TTC7A: variants seen among roughly 807,000 people sequenced by gnomAD.
TTC7A encodes tetratricopeptide repeat protein 7A.
A neutral mutation model predicts 103.7 loss-of-function variants in TTC7A; 110 were observed. That is an observed-to-expected ratio of 1.06 (90% CI 0.91 to 1.24). The LOEUF (loss-of-function observed/expected upper bound fraction) is 1.24, where lower values mean the gene tolerates loss of function less well. Among genes scored for constraint, TTC7A ranks in the 50% most tolerant of loss-of-function variants. The pLI is 0.00. For missense variants in TTC7A, 1,340 were observed against 1,116.3 expected (o/e 1.20, Z -2.86); for synonymous variants, 521 against 467.9 (o/e 1.11, Z -1.47).
rs149128549 is a variant in TTC7A, at chr2:46,956,816, G to C, written c.349-23G>C. ...CAAGGTAACTTTGGGGCAGGCGCTG[G>C]TAACATGTCCTTGTCATTTCAGCCA... On this transcript the variant is annotated intron_variant, in intron 2 of 19. Transcript: ENST00000319190. 1,754 of 1,613,116 alleles carry C rather than the reference G, an allele frequency of 1.1e-3. 23 individuals carry two copies. In the African/African-American group the frequency reaches 0.02, roughly 19 times the overall value.
chr2:46,959,598 C>T (rs546817731), intron 3 of TTC7A, among the ~76,000 whole-genome samples: 3 of 152,102 alleles, frequency 2.0e-5, no homozygotes, highest in Admixed American at 6.5e-5. Context: ...TCTGTCTCTT[C>T]GCCCCCACCC....
At chr2:47,020,365 G>A (rs1425999472) in intron 11 of TTC7A, among the ~76,000 whole-genome samples, 5 of 152,172 alleles carry the variant, frequency 3.3e-5, no homozygotes. Flanking sequence ...ACAGATCTTA[G>A]CATCTATAGC....
chr2:46,958,781 G>T (rs544910537), intron 3 of TTC7A, among the ~76,000 whole-genome samples: 1 of 152,334 alleles, frequency 6.6e-6, no homozygotes, highest in East Asian at 1.9e-4. Context: ...ATGTTGATCT[G>T]CCTGGGTTTG....
At position 47,074,080 on chromosome 2, in the gene TTC7A, G is replaced by C. The variant is rs1277015250; in HGVS notation, c.*157G>C. On this transcript the variant is annotated 3_prime_UTR_variant, in exon 20 of 20. Coordinates refer to ENST00000319190, the MANE Select transcript of TTC7A (RefSeq NM_020458.4). ...GCTGCAGCCCTCGTTCTCTTGGCTG[G>C]GCCAAGAGGGCCTTCCTGGATTTCT... 4.9e-6 allele frequency: 3 copies of C among 616,258 alleles called. No homozygotes were observed. The highest frequency in any genetic ancestry group is 2.0e-5 in the South Asian group (1 of 50,758). 38.2% of individuals were successfully genotyped at this position (616,258 alleles called of 1,614,324 possible).
intron 19 of TTC7A, 31 bp from the exon 20 acceptor site, chr2:47,073,671 C>G: frequency 6.2e-7 from 1 of 1,605,904 alleles, no homozygotes; most frequent in Non-Finnish European, 8.5e-7. Context: ...TGGGACACCC[C>G]TACTCACCCT....
At chr2:46,943,097 G>T (rs1387927623) in intron 1 of TTC7A, among the ~76,000 whole-genome samples, 1 of 152,126 alleles carries the variant, frequency 6.6e-6, no homozygotes, top group Non-Finnish European at 1.5e-5. Flanking sequence ...GTAGAGACGG[G>T]GTTTCGCCAT....
Position 47,011,440 on chromosome 2 carries a change from G to A in TTC7A, c.1392+5G>A. The A allele has an allele frequency of 6.2e-7, 1 of 1,601,722 alleles. No homozygotes were observed. Among genetic ancestry groups the A allele is most frequent in the Non-Finnish European group, 8.5e-7 (1 of 1,178,260 alleles). ...TGCATCGGGTCCCTTCGCTGGGTGA[G>A]TGAGCTGTGAGGGCAGGTCCCAGAG... On this transcript the variant is annotated splice_donor_5th_base_variant and intron_variant, in intron 11 of 19. Transcript: ENST00000319190.
intron 15 of TTC7A, among the ~76,000 whole-genome samples, chr2:47,038,449 T>C (rs1408522984): frequency 6.6e-6 from 1 of 152,130 alleles, no homozygotes; most frequent in Admixed American, 6.5e-5. Context: ...AATTAGACTT[T>C]CCAGAGGCGT....
intron 15 of TTC7A, among the ~76,000 whole-genome samples, chr2:47,041,955 A>T (rs1681801632): frequency 6.6e-6 from 1 of 152,160 alleles, no homozygotes; most frequent in African/African-American, 2.4e-5. Context: ...ACGTATGCAC[A>T]GAAGTCCCAC....
Position 47,028,919 on chromosome 2 carries a change from G to A in TTC7A, c.1642-305G>A, listed in dbSNP as rs4332965. 0.38 allele frequency among the ~76,000 whole-genome samples: 57,732 copies of A among 151,960 alleles called. 11,937 individuals are homozygous for A. The highest frequency in any genetic ancestry group is 0.74 in the East Asian group (3,803 of 5,136). On this transcript the variant is annotated intron_variant, in intron 14 of 19. Coordinates refer to ENST00000319190, the MANE Select transcript of TTC7A (RefSeq NM_020458.4). ...TACATCAGCAGAACTCCAGGGTGACGTTTCCACACATGGCTGCCTCACCCT... is the reference window on the plus strand; with the variant it reads ...TACATCAGCAGAACTCCAGGGTGACATTTCCACACATGGCTGCCTCACCCT...
chr2:46,918,624 G>A (rs1327407998), intron 2 of TTC7A, among the ~76,000 whole-genome samples: 1 of 152,222 alleles, frequency 6.6e-6, no homozygotes, highest in Admixed American at 6.5e-5. Flanking sequence ...AAGGTAGCCA[G>A]TGTTAAAAGA....
chr2:46,944,381 T>G (rs997924105), intron 1 of TTC7A, among the ~76,000 whole-genome samples: 4 of 145,904 alleles, frequency 2.7e-5, no homozygotes, highest in Admixed American at 6.9e-5. Context: ...TGGGTTTTTT[T>G]TTTTTTTTTT....
intron 2 of TTC7A, among the ~76,000 whole-genome samples, chr2:46,918,824 T>C (rs1466729983): frequency 6.6e-6 from 1 of 152,242 alleles, no homozygotes; most frequent in African/African-American, 2.4e-5. Context: ...GAAGGGCAAC[T>C]CTACGTTGGA....
chr2:46,917,540 G>T (rs972491668), intron 2 of TTC7A, among the ~76,000 whole-genome samples: 2 of 152,190 alleles, frequency 1.3e-5, no homozygotes, highest in African/African-American at 4.8e-5. Flanking sequence ...TAAGACAAAT[G>T]AAGTGTCAAG....
chr2:47,039,012 A>T (rs987741356), intron 15 of TTC7A, among the ~76,000 whole-genome samples: 8 of 152,304 alleles, frequency 5.3e-5, no homozygotes, highest in Middle Eastern at 3.4e-3. Context: ...TGAGAATGAC[A>T]GCTAACCTCT....
At chr2:46,919,856 C>A (rs986574467) in intron 2 of TTC7A, among the ~76,000 whole-genome samples, 23 of 152,268 alleles carry the variant, frequency 1.5e-4, no homozygotes, top group African/African-American at 5.1e-4. Context: ...CTTGCTCTAT[C>A]ACCCTTGCAT....
intron 1 of TTC7A, among the ~76,000 whole-genome samples, chr2:46,945,111 C>T (rs1013679474): frequency 3.3e-5 from 5 of 152,116 alleles, no homozygotes; most frequent in African/African-American, 1.2e-4. Flanking sequence ...GTTCTCTACT[C>T]ATCTTGAGAC....
intron 2 of TTC7A, among the ~76,000 whole-genome samples, chr2:46,927,357 T>A (rs1023784514): frequency 9.9e-6 from 1 of 100,834 alleles, no homozygotes; most frequent in South Asian, 2.8e-4. Context: ...AAAAAAAGAT[T>A]TTTTTTTTTT....
chr2:46,951,610 T>C (rs1187846524), intron 2 of TTC7A: 2 of 455,800 alleles, frequency 4.4e-6, no homozygotes, highest in Non-Finnish European at 8.8e-6. Context: ...AGGGTCTCGC[T>C]GTGTTACTCA....
Sources: allele counts gnomAD v4.1 joint callset (sites outside exome capture counted in the v4.1 genomes callset), GRCh38; gene constraint gnomAD v4.1.1; transcripts MANE v1.5; gene names NCBI Gene and HGNC (gene_info 2026-07-23, HGNC 2026-07-21).